The following BCL2 variants were observed in gnomAD, a reference collection of about 807,000 sequenced individuals.
BCL2 encodes apoptosis regulator Bcl-2.
Under a neutral mutation model 14.2 loss-of-function variants are expected in BCL2, and 1 was observed. That is an observed-to-expected ratio of 0.07 (90% CI 0.02 to 0.33). The LOEUF (loss-of-function observed/expected upper bound fraction) is 0.33, where lower values mean the gene tolerates loss of function less well. Ranked by LOEUF, BCL2 falls within the 10% of genes least tolerant of loss-of-function variation. The pLI is 0.99. For missense variants in BCL2, 247 were observed against 305.9 expected, an observed-to-expected ratio of 0.81 and a Z score of 1.44; for synonymous variants, 151 against 137.2, an observed-to-expected ratio of 1.10 and a Z score of -0.70.
At chr18:63,311,123 T>C (rs1284683874) in intron 2 of BCL2, among the ~76,000 whole-genome samples, 1 of 150,852 alleles carries the variant, frequency 6.6e-6, no homozygotes, top group Non-Finnish European at 1.5e-5. Context: ...GATATCAATA[T>C]ATCTGAGATA....
intron 2 of BCL2, among the ~76,000 whole-genome samples, chr18:63,291,329 G>A (rs1460243116): frequency 3.3e-5 from 5 of 152,190 alleles, no homozygotes; most frequent in Non-Finnish European, 7.3e-5. Context: ...TATTTTGACT[G>A]GGGACACTGA....
At position 63,140,329 on chromosome 18, in the gene BCL2, C is replaced by A. The variant is rs111470430; in HGVS notation, c.586-11570G>T. Reference sequence around the variant, plus strand: ...AAGGAATTGAAATTGCACGTTCACACGAAAACTTGTACACAAATGTTCACA... The same window carrying A: ...AAGGAATTGAAATTGCACGTTCACAAGAAAACTTGTACACAAATGTTCACA... On this transcript the variant is annotated intron_variant, in intron 2 of 2. Transcript: ENST00000333681. Among the ~76,000 whole-genome samples, 1,392 of 152,240 alleles carry A rather than the reference C, an allele frequency of 9.1e-3. 14 individuals are homozygous for A. Among genetic ancestry groups the A allele is most frequent in the Non-Finnish European group, 0.013 (881 of 68,010 alleles).
At chr18:63,174,636 A>G (rs1003503635) in intron 2 of BCL2, among the ~76,000 whole-genome samples, 4 of 152,116 alleles carry the variant, frequency 2.6e-5, no homozygotes, top group Non-Finnish European at 4.4e-5. Context: ...CCTGGCCAAC[A>G]TGGTGAAACC....
At chr18:63,151,012 T>C (rs983935761) in intron 2 of BCL2, 3 of 152,116 alleles carry the variant, frequency 2.0e-5, no homozygotes, top group African/African-American at 7.2e-5. Flanking sequence ...CTTCAGCAAA[T>C]GACTTCTGAA....
Position 63,125,094 on chromosome 18 carries a change from T to G in BCL2, c.*3531A>C. On this transcript the variant is annotated 3_prime_UTR_variant, in exon 3 of 3. Coordinates refer to ENST00000333681, the MANE Select transcript of BCL2 (RefSeq NM_000633.3). Reference sequence around the variant, plus strand: ...TGCCCTGATTATTTACATTTAATCTTGATTATTATAACTCCTCTCGATTTA... The same window carrying G: ...TGCCCTGATTATTTACATTTAATCTGGATTATTATAACTCCTCTCGATTTA... 1 of 221,456 alleles carries G rather than the reference T, an allele frequency of 4.5e-6. No homozygotes were observed. The highest frequency in any genetic ancestry group is 9.0e-6 in the Non-Finnish European group (1 of 110,584). 13.7% of individuals were successfully genotyped at this position (221,456 alleles called of 1,614,324 possible).
chr18:63,219,179 C>A (rs1490798567), intron 2 of BCL2, among the ~76,000 whole-genome samples: 1 of 152,168 alleles, frequency 6.6e-6, no homozygotes. Flanking sequence ...ATATGGCTTG[C>A]AATTTTACTC....
intron 2 of BCL2, among the ~76,000 whole-genome samples, chr18:63,158,216 A>G (rs1914832850): frequency 6.6e-6 from 1 of 152,100 alleles, no homozygotes; most frequent in Admixed American, 6.5e-5. Context: ...GGAGTGAGGA[A>G]GTAATAGGGG....
intron 2 of BCL2, among the ~76,000 whole-genome samples, chr18:63,212,340 A>AAAC (rs1056628285): frequency 1.9e-4 from 29 of 150,570 alleles, no homozygotes; most frequent in African/African-American, 7.2e-4. Flanking sequence ...ACAAACAAAC[A>AAAC]AACAACAACA....
chr18:63,137,406 C>T lies in BCL2; in HGVS notation c.586-8647G>A, dbSNP rs111933518. 1.9e-4 allele frequency among the ~76,000 whole-genome samples: 29 copies of T among 152,274 alleles called. 1 individual carries two copies. Among genetic ancestry groups the T allele is most frequent in the African/African-American group, 5.3e-4 (22 of 41,550 alleles). On this transcript the variant is annotated intron_variant, in intron 2 of 2. Coordinates refer to ENST00000333681, the MANE Select transcript of BCL2 (RefSeq NM_000633.3). ...ATCCCTGGAGCATGTGTCTGTCATA[C>T]GTTAGGAACTCAGCAAATGTTTGTG...
intron 2 of BCL2, among the ~76,000 whole-genome samples, chr18:63,301,789 G>T (rs116059265): frequency 4.9e-4 from 75 of 152,300 alleles, no homozygotes; most frequent in African/African-American, 1.7e-3. Context: ...CAGTGCGCCT[G>T]TCCACGGCAC....
intron 2 of BCL2, among the ~76,000 whole-genome samples, chr18:63,171,816 A>C (rs1915227326): frequency 3.3e-5 from 5 of 152,168 alleles, no homozygotes; most frequent in Admixed American, 3.3e-4. Flanking sequence ...CTCTACAAAA[A>C]ATTAAAAGAA....
intron 2 of BCL2, chr18:63,302,267 C>G: frequency 5.5e-6 from 5 of 909,000 alleles, no homozygotes; most frequent in Non-Finnish European, 6.6e-6. Flanking sequence ...CACCACTGCA[C>G]TCCAGCCTGG....
At chr18:63,158,248 G>A (rs1044934301) in intron 2 of BCL2, among the ~76,000 whole-genome samples, 4 of 152,172 alleles carry the variant, frequency 2.6e-5, no homozygotes, top group Non-Finnish European at 5.9e-5. Flanking sequence ...AAGGTATTTT[G>A]TTGTCTAACC....
chr18:63,284,831 C>CA (rs4987733), intron 2 of BCL2, among the ~76,000 whole-genome samples: 71,555 of 151,886 alleles, frequency 0.47, 19,112 homozygotes, highest in Middle Eastern at 0.64. Context: ...GGTTTTTATT[C>CA]AAAATCCTCC....
chr18:63,260,061 A>G (rs1267989867), intron 2 of BCL2, among the ~76,000 whole-genome samples: 2 of 152,142 alleles, frequency 1.3e-5, no homozygotes, highest in Non-Finnish European at 2.9e-5. Context: ...AACCTGATCT[A>G]TTAGTTGTGT....
intron 2 of BCL2, among the ~76,000 whole-genome samples, chr18:63,216,137 AT>A (rs968969351): frequency 1.3e-3 from 195 of 151,038 alleles, no homozygotes; most frequent in Non-Finnish European, 2.0e-3. Context: ...GTTATGAGTG[AT>A]TTTTTTTTCT....
chr18:63,319,192 G>C lies in BCL2; in HGVS notation c.-305C>G, dbSNP rs986160464. The C allele has an allele frequency of 2.3e-6, 1 of 426,980 alleles. No homozygotes were observed. Among genetic ancestry groups the C allele is most frequent in the African/African-American group, 2.1e-5 (1 of 48,594 alleles). The allele number at this position is 426,980 out of a possible 1,614,324, so 26.4% of individuals were successfully genotyped here. A position where few individuals can be genotyped will look rare whatever the true frequency, so the allele number is the denominator to read the frequency against. ...AACTTACTTGTATTTTTTAAGTACA[G>C]CATGATCCTCTGTCAAGTTTCCTTT... On this transcript the variant is annotated 5_prime_UTR_variant, in exon 1 of 3. Coordinates refer to ENST00000333681, the MANE Select transcript of BCL2 (RefSeq NM_000633.3).
chr18:63,130,323 T>C (rs28552905), intron 2 of BCL2, among the ~76,000 whole-genome samples: 127 of 152,318 alleles, frequency 8.3e-4, no homozygotes, highest in African/African-American at 2.7e-3. Context: ...ACCATGACCC[T>C]GGACATCGCT....
At chr18:63,197,105 G>A (rs542678050) in intron 2 of BCL2, among the ~76,000 whole-genome samples, 17 of 152,320 alleles carry the variant, frequency 1.1e-4, no homozygotes, top group Admixed American at 5.2e-4. Flanking sequence ...ATGTTTTCCC[G>A]AAATAGGTAA....
Sources: gnomAD v4.1 joint callset for allele counts (sites outside exome capture counted in the v4.1 genomes callset) on GRCh38, gnomAD v4.1.1 for gene constraint, MANE v1.5 for transcripts, NCBI Gene and HGNC (gene_info 2026-07-23, HGNC 2026-07-21) for gene names.